The following NKAIN3 variants were observed in gnomAD, a reference collection of about 807,000 sequenced individuals.
NKAIN3 encodes the protein sodium/potassium-transporting ATPase subunit beta-1-interacting protein 3.
Under a neutral mutation model 30.2 loss-of-function variants are expected in NKAIN3, and 25 were observed. The observed-to-expected ratio is 0.83, with a 90% CI of 0.60 to 1.16. NKAIN3 has a LOEUF of 1.16. NKAIN3 is among the 50% of genes most tolerant of loss of function. The pLI is 0.00. For synonymous variants in NKAIN3, 91 were observed against 89.6 expected, an observed-to-expected ratio of 1.02 and a Z score of -0.09; for missense variants, 225 against 254.1, an observed-to-expected ratio of 0.89 and a Z score of 0.78.
chr8:62,913,915 C>T (rs959348972), intron 4 of NKAIN3, among the ~76,000 whole-genome samples: 12 of 152,110 alleles, frequency 7.9e-5, no homozygotes, highest in Non-Finnish European at 1.5e-4. Context: ...TTAGGTCAAC[C>T]GTCGTGAAAA....
At chr8:62,380,909 G>T (rs928999147) in intron 1 of NKAIN3, among the ~76,000 whole-genome samples, 1 of 152,208 alleles carries the variant, frequency 6.6e-6, no homozygotes, top group African/African-American at 2.4e-5. Context: ...GAACTATTAT[G>T]CCAATAAAGA....
At chr8:62,613,969 A>T (rs1189557963) in intron 3 of NKAIN3, among the ~76,000 whole-genome samples, 1 of 152,120 alleles carries the variant, frequency 6.6e-6, no homozygotes, top group Non-Finnish European at 1.5e-5. Context: ...GATATTTTAA[A>T]TTCTCTGTCT....
At chr8:62,781,577 A>T (rs2130653721) in intron 4 of NKAIN3, among the ~76,000 whole-genome samples, 1 of 152,148 alleles carries the variant, frequency 6.6e-6, no homozygotes, top group Non-Finnish European at 1.5e-5. Flanking sequence ...ATAAAAATAG[A>T]TGCATGGACC....
intron 4 of NKAIN3, among the ~76,000 whole-genome samples, chr8:62,887,568 A>T (rs563584863): frequency 6.6e-6 from 1 of 151,706 alleles, no homozygotes; most frequent in African/African-American, 2.4e-5. Flanking sequence ...AATAACTGTT[A>T]TTGTTTCTTA....
chr8:62,770,545 C>A (rs1001610431), intron 4 of NKAIN3, among the ~76,000 whole-genome samples: 1 of 152,120 alleles, frequency 6.6e-6, no homozygotes, highest in Admixed American at 6.6e-5. Flanking sequence ...AGACAGAAAC[C>A]AATCCCTCAT....
chr8:62,492,704 G>A (rs1015215618), intron 1 of NKAIN3, among the ~76,000 whole-genome samples: 11 of 152,104 alleles, frequency 7.2e-5, no homozygotes, highest in Admixed American at 2.0e-4. Flanking sequence ...GCAGCTTCAT[G>A]TGAATAACAG....
chr8:62,291,346 A>G (rs557029775), intron 1 of NKAIN3, among the ~76,000 whole-genome samples: 1 of 152,108 alleles, frequency 6.6e-6, no homozygotes, highest in Admixed American at 6.5e-5. Flanking sequence ...TCAATTTTAC[A>G]TCTTTCCTGC....
intron 4 of NKAIN3, among the ~76,000 whole-genome samples, chr8:62,832,597 C>CATT (rs1473360756): frequency 1.3e-5 from 2 of 151,548 alleles, no homozygotes; most frequent in Non-Finnish European, 3.0e-5. Flanking sequence ...TGTAATAAAA[C>CATT]ATTATTACAT....
At chr8:62,274,987 G>A (rs1812891622) in intron 1 of NKAIN3, among the ~76,000 whole-genome samples, 1 of 152,038 alleles carries the variant, frequency 6.6e-6, no homozygotes. Context: ...TCTTAATCCA[G>A]TCTATCATTG....
At chr8:62,884,262 T>A (rs1586309010) in intron 4 of NKAIN3, among the ~76,000 whole-genome samples, 1 of 61,998 alleles carries the variant, frequency 1.6e-5, no homozygotes, top group African/African-American at 5.7e-5. Context: ...TTTTAGAGAA[T>A]TTTTTTTTTT....
At chr8:62,495,760 C>G (rs1430379459) in intron 1 of NKAIN3, among the ~76,000 whole-genome samples, 1 of 152,090 alleles carries the variant, frequency 6.6e-6, no homozygotes, top group Non-Finnish European at 1.5e-5. Flanking sequence ...AATATTTCAA[C>G]AACTTTCTGA....
At chr8:62,953,265 A>G (rs1823334380) in intron 5 of NKAIN3, among the ~76,000 whole-genome samples, 1 of 152,220 alleles carries the variant, frequency 6.6e-6, no homozygotes, top group Non-Finnish European at 1.5e-5. Flanking sequence ...ACTATGAAAC[A>G]GGAGAAACAA....
chr8:62,758,019 C>T (rs1816510443), intron 4 of NKAIN3, among the ~76,000 whole-genome samples: 1 of 152,056 alleles, frequency 6.6e-6, no homozygotes, highest in Non-Finnish European at 1.5e-5. Context: ...AAGCTTGGAC[C>T]CATTCTCCCC....
intron 4 of NKAIN3, among the ~76,000 whole-genome samples, chr8:62,826,841 G>T (rs569820397): frequency 2.8e-4 from 43 of 152,306 alleles, no homozygotes; most frequent in African/African-American, 8.9e-4. Context: ...GAGACATGCT[G>T]AATTGTAATG....
At chr8:62,587,521 G>A (rs1006815522) in intron 2 of NKAIN3, among the ~76,000 whole-genome samples, 1 of 151,918 alleles carries the variant, frequency 6.6e-6, no homozygotes, top group South Asian at 2.1e-4. Context: ...TTAATTTGGT[G>A]ACTGGTTATC....
intron 1 of NKAIN3, among the ~76,000 whole-genome samples, chr8:62,360,609 G>A (rs1422011535): frequency 6.6e-6 from 1 of 152,110 alleles, no homozygotes; most frequent in Non-Finnish European, 1.5e-5. Flanking sequence ...GTTTTGAGGT[G>A]GACAGTTCTG....
At chr8:62,863,028 AG>A in intron 4 of NKAIN3, 1 of 686,168 alleles carries the variant, frequency 1.5e-6, no homozygotes. Flanking sequence ...TGTACATGCA[AG>A]GATGTGACTA....
intron 1 of NKAIN3, among the ~76,000 whole-genome samples, chr8:62,456,133 A>G (rs925507059): frequency 6.6e-6 from 1 of 152,304 alleles, no homozygotes. Flanking sequence ...GGAATTTTTC[A>G]TTTAATATTT....
chr8:62,617,392 TTTAA>T (rs1279783724), intron 3 of NKAIN3, among the ~76,000 whole-genome samples: 1 of 152,198 alleles, frequency 6.6e-6, no homozygotes, highest in African/African-American at 2.4e-5. Flanking sequence ...TCATGCAATC[TTTAA>T]TTACTAACCC....
Sources: allele counts gnomAD v4.1 joint callset (sites outside exome capture counted in the v4.1 genomes callset), GRCh38; gene constraint gnomAD v4.1.1; transcripts MANE v1.5; gene names NCBI Gene and HGNC (gene_info 2026-07-23, HGNC 2026-07-21).